Variants in SWT1 observed in about 807,000 individuals in gnomAD.
The protein encoded by SWT1 is transcriptional protein SWT1.
In SWT1, 33 loss-of-function variants were observed where a neutral mutation model predicts 107.3. The ratio of observed to expected loss-of-function variants is 0.31; its 90% CI spans 0.23 to 0.41. SWT1 has a LOEUF of 0.41. SWT1 is among the 10% of genes least tolerant of loss of function. The pLI is 1.00. For synonymous variants in SWT1, 345 were observed against 348.3 expected (o/e 0.99, Z 0.11); for missense variants, 898 against 1,028.9 (o/e 0.87, Z 1.74).
chr1:185,157,284 C>T lies in SWT1; in HGVS notation c.-40C>T. On this transcript the variant is annotated 5_prime_UTR_variant, in exon 1 of 19. Coordinates refer to ENST00000367500, the MANE Select transcript of SWT1 (RefSeq NM_017673.7). ...GTCCCTCTCCTTTGGCTTGGGGCTC[C>T]GGAGTTGCCACTGCCGCCGGCGCTG... is the stretch of plus-strand genomic sequence containing the variant. 6.5e-6 allele frequency: 1 copy of T among 152,816 alleles called. No homozygotes were observed. The highest frequency in any genetic ancestry group is 1.5e-5 in the Non-Finnish European group (1 of 68,268). 9.5% of individuals were successfully genotyped at this position (152,816 alleles called of 1,614,324 possible).
At chr1:185,173,074 A>G (rs1655224610) in intron 4 of SWT1, among the ~76,000 whole-genome samples, 1 of 149,954 alleles carries the variant, frequency 6.7e-6, no homozygotes, top group Non-Finnish European at 1.5e-5. Context: ...AGAAAATGGT[A>G]TGTTATTGTT....
chr1:185,171,235 T>A (rs542222581), intron 4 of SWT1: 1 of 158,252 alleles, frequency 6.3e-6, no homozygotes, highest in Non-Finnish European at 1.5e-5. Flanking sequence ...TTTCTAATTT[T>A]CTGTTCAATC....
intron 5 of SWT1, 127 bp from the exon 6 acceptor site, chr1:185,180,264 C>G: frequency 2.9e-6 from 2 of 700,150 alleles, no homozygotes; most frequent in Non-Finnish European, 5.0e-6. Context: ...TGCTGCTAAC[C>G]ATCCTGCAAT....
At chr1:185,172,198 A>G (rs1655133501) in intron 4 of SWT1, among the ~76,000 whole-genome samples, 1 of 152,142 alleles carries the variant, frequency 6.6e-6, no homozygotes, top group Non-Finnish European at 1.5e-5. Flanking sequence ...TTTTTTTCTC[A>G]CTACAAAGTA....
intron 2 of SWT1, among the ~76,000 whole-genome samples, chr1:185,165,651 T>C (rs2102308038): frequency 6.6e-6 from 1 of 152,332 alleles, no homozygotes; most frequent in African/African-American, 2.4e-5. Flanking sequence ...TTCCAGTGTT[T>C]TTCCACTTCA....
intron 14 of SWT1, among the ~76,000 whole-genome samples, chr1:185,218,856 A>G (rs1168880612): frequency 2.0e-5 from 3 of 152,196 alleles, no homozygotes; most frequent in Non-Finnish European, 4.4e-5. Flanking sequence ...TGAGTGTAAT[A>G]ATAATGCTGG....
intron 3 of SWT1, 30 bp from the exon 4 acceptor site, chr1:185,168,310 A>C: frequency 1.6e-6 from 2 of 1,263,502 alleles, no homozygotes; most frequent in Non-Finnish European, 2.1e-6. Flanking sequence ...CCAGTGCACA[A>C]TTTATGTGTC....
At chr1:185,236,977 T>G (rs750864008) in intron 16 of SWT1, among the ~76,000 whole-genome samples, 30 of 152,194 alleles carry the variant, frequency 2.0e-4, no homozygotes, top group Non-Finnish European at 2.9e-5. Flanking sequence ...TCACTAGTCA[T>G]TAGAGAAATG....
At chr1:185,214,688 CTAATTA>C (rs1230940411) in intron 14 of SWT1, 33 bp downstream of exon 14, 3 of 1,560,476 alleles carry the variant, frequency 1.9e-6, no homozygotes, top group Non-Finnish European at 2.6e-6. Context: ...GTTAGAGTAG[CTAATTA>C]TACATGTTCT....
intron 2 of SWT1, among the ~76,000 whole-genome samples, chr1:185,166,086 T>C (rs2102309762): frequency 1.3e-5 from 2 of 152,346 alleles, no homozygotes; most frequent in Admixed American, 1.3e-4. Flanking sequence ...ATATTACTTG[T>C]TTATTTGTAA....
chr1:185,279,890 T>A (rs1298485847), intron 18 of SWT1, among the ~76,000 whole-genome samples: 1 of 152,088 alleles, frequency 6.6e-6, no homozygotes, highest in East Asian at 1.9e-4. Flanking sequence ...ATTGTCTGAA[T>A]TTGATAATCT....
chr1:185,280,800 G>A (rs1664566606), intron 18 of SWT1: 1 of 305,028 alleles, frequency 3.3e-6, no homozygotes. Context: ...GTTGGTGTTG[G>A]CGAGTGGCAG....
chr1:185,251,798 A>ATT (rs935775833), intron 16 of SWT1, among the ~76,000 whole-genome samples: 5 of 146,798 alleles, frequency 3.4e-5, no homozygotes, highest in Admixed American at 2.0e-4. Context: ...ATATATATAT[A>ATT]TTTTTTTTAT....
chr1:185,184,829 C>A lies in SWT1; in HGVS notation c.1327C>A (p.Gln443Lys), dbSNP rs1656315950. Residue 443 changes from glutamine (Q) to lysine (K), a missense_variant, in exon 9 of 19, where the codon CAG becomes AAG. Gln to Lys is a moderately conservative substitution (Grantham distance 53). Transcript: ENST00000367500. ...GGAAGGAAAACTACTAAAACGTGCCCAGCACAAAGCTATACCTGCAGTTCA... is the reference window on the plus strand; with the variant it reads ...GGAAGGAAAACTACTAAAACGTGCCAAGCACAAAGCTATACCTGCAGTTCA... ...MKEGKLLKRA[Q>K]HKAIPAVHFI... is the part of the protein sequence containing the mutation. 1 of 1,596,284 alleles carries A rather than the reference C, an allele frequency of 6.3e-7. No homozygotes were observed. Among genetic ancestry groups the A allele is most frequent in the African/African-American group, 1.4e-5 (1 of 73,606 alleles).
rs556642657 is a variant in SWT1, at chr1:185,171,915, A to G, written c.225-2457A>G. Among the ~76,000 whole-genome samples, 10 of 152,256 alleles carry G rather than the reference A, an allele frequency of 6.6e-5. No individual in the cohort carries two copies. In the East Asian group the frequency reaches 1.7e-3, roughly 26 times the overall value. The stretch of plus-strand genomic sequence containing the variant: ...GATAGATTGAGACTCTGTCAAACCA[A>G]CAAAGACATACCTACATTCATGCAT... On this transcript the variant is annotated intron_variant, in intron 4 of 18. Coordinates refer to ENST00000367500, the MANE Select transcript of SWT1 (RefSeq NM_017673.7).
rs111968364 is a variant in SWT1, at chr1:185,168,585, A to G, written c.224+187A>G. On this transcript the variant is annotated intron_variant, in intron 4 of 18. Coordinates refer to ENST00000367500, the MANE Select transcript of SWT1 (RefSeq NM_017673.7). ...TATATTTAAGAAAAAGTTGAGTGAA[A>G]TAAAAATCTATGAAAACTATTGTGT... 2.7e-3 allele frequency among the ~76,000 whole-genome samples: 404 copies of G among 152,350 alleles called. 2 individuals are homozygous for G. Among genetic ancestry groups the G allele is most frequent in the African/African-American group, 9.4e-3 (392 of 41,580 alleles).
chr1:185,173,061 AG>A (rs1276058022), intron 4 of SWT1, among the ~76,000 whole-genome samples: 31 of 150,652 alleles, frequency 2.1e-4, no homozygotes, highest in African/African-American at 7.6e-4. Flanking sequence ...AAAAAAAAAA[AG>A]AAGAAAATGG....
intron 14 of SWT1, among the ~76,000 whole-genome samples, chr1:185,220,923 A>C (rs533625809): frequency 6.6e-6 from 1 of 152,344 alleles, no homozygotes; most frequent in Non-Finnish European, 1.5e-5. Flanking sequence ...CAATTCCTGT[A>C]TATGTATGTG....
chr1:185,177,060 G>T, intron 5 of SWT1: 1 of 982,278 alleles, frequency 1.0e-6, no homozygotes, highest in Non-Finnish European at 1.2e-6. Context: ...TATAACTAAG[G>T]AGGCCAGAAG....
Sources: gnomAD v4.1 joint callset for allele counts (sites outside exome capture counted in the v4.1 genomes callset) on GRCh38, gnomAD v4.1.1 for gene constraint, MANE v1.5 for transcripts, NCBI Gene and HGNC (gene_info 2026-07-23, HGNC 2026-07-21) for gene names.